The following ZSWIM6 variants were observed in gnomAD, a reference collection of about 807,000 sequenced individuals.
ZSWIM6 encodes the protein zinc finger SWIM-type containing 6.
In ZSWIM6, 9 loss-of-function variants were observed where a neutral mutation model predicts 113.2. The ratio of observed to expected loss-of-function variants is 0.08; its 90% CI spans 0.05 to 0.14. The LOEUF (loss-of-function observed/expected upper bound fraction) is 0.14, where lower values mean the gene tolerates loss of function less well. Ranked by LOEUF, ZSWIM6 falls within the 10% of genes least tolerant of loss-of-function variation. ZSWIM6 has a pLI of 1.00. For missense variants in ZSWIM6, 1,162 were observed against 1,552.2 expected (o/e 0.75, Z 4.22); for synonymous variants, 611 against 606.5 (o/e 1.01, Z -0.11).
At chr5:61,529,401 C>T (rs532563807) in intron 7 of ZSWIM6, among the ~76,000 whole-genome samples, 15 of 152,224 alleles carry the variant, frequency 9.9e-5, no homozygotes, top group African/African-American at 3.6e-4. Flanking sequence ...TATATATAAT[C>T]GTCTATTATC....
At chr5:61,447,615 A>T (rs568796001) in intron 1 of ZSWIM6, among the ~76,000 whole-genome samples, 1 of 152,312 alleles carries the variant, frequency 6.6e-6, no homozygotes, top group Admixed American at 6.5e-5. Context: ...CAGCCAAAAA[A>T]GGGTCAGGCA....
intron 1 of ZSWIM6, among the ~76,000 whole-genome samples, chr5:61,333,903 G>A (rs1455050004): frequency 6.6e-6 from 1 of 152,082 alleles, no homozygotes; most frequent in East Asian, 1.9e-4. Flanking sequence ...CGCAGCCAAA[G>A]GGGCGAGCGG....
At chr5:61,427,341 T>C (rs1429973536) in intron 1 of ZSWIM6, among the ~76,000 whole-genome samples, 1 of 152,246 alleles carries the variant, frequency 6.6e-6, no homozygotes, top group East Asian at 1.9e-4. Flanking sequence ...GTATATTCAC[T>C]TTAAATAATC....
intron 1 of ZSWIM6, chr5:61,391,145 T>A: frequency 6.4e-6 from 5 of 781,532 alleles, no homozygotes; most frequent in Non-Finnish European, 1.2e-5. Context: ...CGATGGGTCT[T>A]GTGGGGTAGC....
intron 12 of ZSWIM6, among the ~76,000 whole-genome samples, chr5:61,541,552 C>T (rs188661875): frequency 6.6e-6 from 1 of 150,816 alleles, no homozygotes; most frequent in Non-Finnish European, 1.5e-5. Context: ...GGAAAAAGGG[C>T]ATGGGCTGTG....
At chr5:61,363,379 G>GA in intron 1 of ZSWIM6, among the ~76,000 whole-genome samples, 1 of 152,250 alleles carries the variant, frequency 6.6e-6, no homozygotes, top group Non-Finnish European at 1.5e-5. Flanking sequence ...GTGACATATA[G>GA]AACCAGTTTT....
chr5:61,401,095 AATT>A (rs1745931902), intron 1 of ZSWIM6, among the ~76,000 whole-genome samples: 1 of 152,176 alleles, frequency 6.6e-6, no homozygotes, highest in Non-Finnish European at 1.5e-5. Flanking sequence ...TCCCCCCGAC[AATT>A]ATTATGTTCT....
intron 1 of ZSWIM6, among the ~76,000 whole-genome samples, chr5:61,360,142 T>C (rs552475985): frequency 3.9e-5 from 6 of 152,334 alleles, no homozygotes; most frequent in African/African-American, 1.4e-4. Flanking sequence ...GAGATCTTCA[T>C]TGGTTCTGCT....
At chr5:61,497,627 T>C (rs1748358416) in intron 4 of ZSWIM6, among the ~76,000 whole-genome samples, 1 of 152,206 alleles carries the variant, frequency 6.6e-6, no homozygotes, top group African/African-American at 2.4e-5. Flanking sequence ...ACATTTATCT[T>C]ATACATGAGT....
intron 1 of ZSWIM6, among the ~76,000 whole-genome samples, chr5:61,399,236 T>G (rs1332576340): frequency 4.7e-5 from 7 of 150,282 alleles, no homozygotes; most frequent in Admixed American, 1.3e-4. Flanking sequence ...TGTATGTTTT[T>G]TTTTTTTTTT....
chr5:61,465,830 A>T (rs1747422338), intron 1 of ZSWIM6, among the ~76,000 whole-genome samples: 1 of 152,212 alleles, frequency 6.6e-6, no homozygotes, highest in South Asian at 2.1e-4. Context: ...GGTAGTCTTA[A>T]AATAAAGCTT....
At chr5:61,537,418 T>C (rs1196223802) in intron 10 of ZSWIM6, among the ~76,000 whole-genome samples, 3 of 152,326 alleles carry the variant, frequency 2.0e-5, no homozygotes, top group African/African-American at 7.2e-5. Flanking sequence ...GTAGCTCGCA[T>C]GCTTCTTAGT....
intron 1 of ZSWIM6, among the ~76,000 whole-genome samples, chr5:61,449,612 C>T (rs1334815499): frequency 1.3e-5 from 2 of 152,164 alleles, no homozygotes; most frequent in African/African-American, 2.4e-5. Flanking sequence ...AAAATTATAT[C>T]AGTCTGCACC....
chr5:61,452,895 G>A (rs1025617271), intron 1 of ZSWIM6, among the ~76,000 whole-genome samples: 1 of 152,056 alleles, frequency 6.6e-6, no homozygotes, highest in African/African-American at 2.4e-5. Flanking sequence ...GTCTTTCCTT[G>A]TCTTTTATGA....
chr5:61,446,225 A>G (rs1355318460), intron 1 of ZSWIM6, among the ~76,000 whole-genome samples: 1 of 152,154 alleles, frequency 6.6e-6, no homozygotes, highest in Non-Finnish European at 1.5e-5. Flanking sequence ...GGGTTTCACC[A>G]TGTTGGCCAG....
chr5:61,351,689 C>A (rs1269420289), intron 1 of ZSWIM6, among the ~76,000 whole-genome samples: 1 of 152,102 alleles, frequency 6.6e-6, no homozygotes, highest in African/African-American at 2.4e-5. Flanking sequence ...ACTACCTATT[C>A]CACATTCTAT....
intron 1 of ZSWIM6, among the ~76,000 whole-genome samples, chr5:61,380,265 G>C (rs187674553): frequency 3.3e-5 from 5 of 152,110 alleles, no homozygotes; most frequent in Admixed American, 3.3e-4. Context: ...TAGTAGAGAC[G>C]GGGTTTCGCC....
intron 1 of ZSWIM6, among the ~76,000 whole-genome samples, chr5:61,385,764 T>C (rs1426719828): frequency 6.6e-6 from 1 of 152,238 alleles, no homozygotes; most frequent in Non-Finnish European, 1.5e-5. Context: ...CCTCAGCCCC[T>C]GTGCCCCAGG....
rs540138468 is a variant in ZSWIM6, at chr5:61,366,452, T to C, written c.676+33504T>C. On this transcript the variant is annotated intron_variant, in intron 1 of 13. Transcript: ENST00000252744. Reference sequence around the variant, plus strand: ...AAGAAGGTGAATAAGCAACTCAAACTCTAAAAAGACAAAACTAGATGTTAC... The same window carrying C: ...AAGAAGGTGAATAAGCAACTCAAACCCTAAAAAGACAAAACTAGATGTTAC... 7.9e-5 allele frequency among the ~76,000 whole-genome samples: 12 copies of C among 152,314 alleles called. No individual in the cohort carries two copies. In the South Asian group the frequency reaches 2.3e-3, roughly 29 times the overall value.
Sources: allele counts gnomAD v4.1 joint callset (sites outside exome capture counted in the v4.1 genomes callset), GRCh38; gene constraint gnomAD v4.1.1; transcripts MANE v1.5; gene names NCBI Gene and HGNC (gene_info 2026-07-23, HGNC 2026-07-21).